Variants in RORA observed in about 807,000 individuals in gnomAD.
RORA encodes RAR related orphan receptor A.
RORA carries 7 observed loss-of-function variants against 69.5 expected under a neutral mutation model. That is an observed-to-expected ratio of 0.10 (90% confidence interval 0.06 to 0.19). RORA has a LOEUF of 0.19. RORA is among the 10% of genes least tolerant of loss of function. The pLI is 1.00. For synonymous variants in RORA, 261 were observed against 240.8 expected, an observed-to-expected ratio of 1.08 and a Z score of -0.78; for missense variants, 457 against 663.0, an observed-to-expected ratio of 0.69 and a Z score of 3.41.
At chr15:60,735,576 G>GA (rs562172056) in intron 1 of RORA, among the ~76,000 whole-genome samples, 1,434 of 134,996 alleles carry the variant, frequency 0.011, 10 homozygotes, top group East Asian at 0.023. Flanking sequence ...GGGAAAAAAG[G>GA]AAAAAAAAAA....
At chr15:60,959,598 G>C (rs1893359726) in intron 1 of RORA, among the ~76,000 whole-genome samples, 1 of 152,112 alleles carries the variant, frequency 6.6e-6, no homozygotes, top group African/African-American at 2.4e-5. Context: ...TTCTTGGAGA[G>C]TCACCGTGCT....
At chr15:60,827,716 C>A (rs1463941921) in intron 1 of RORA, among the ~76,000 whole-genome samples, 1 of 152,120 alleles carries the variant, frequency 6.6e-6, no homozygotes, top group African/African-American at 2.4e-5. Flanking sequence ...GCTGCCTGTG[C>A]GGGTCCCTGG....
At chr15:60,827,506 T>C (rs887390717) in intron 1 of RORA, among the ~76,000 whole-genome samples, 2 of 152,230 alleles carry the variant, frequency 1.3e-5, no homozygotes, top group African/African-American at 4.8e-5. Context: ...AAATATGTTT[T>C]ATAACCATAA....
chr15:61,203,126 T>C (rs1004745847), intron 1 of RORA, among the ~76,000 whole-genome samples: 1 of 152,028 alleles, frequency 6.6e-6, no homozygotes, highest in Non-Finnish European at 1.5e-5. Flanking sequence ...GAAAACATAA[T>C]GAAGGAACAG....
At chr15:60,687,515 C>T (rs1434862350) in intron 1 of RORA, among the ~76,000 whole-genome samples, 1 of 152,140 alleles carries the variant, frequency 6.6e-6, no homozygotes, top group African/African-American at 2.4e-5. Context: ...CTTGGGAGGC[C>T]GAGGCGGGCA....
intron 1 of RORA, among the ~76,000 whole-genome samples, chr15:61,091,592 T>C (rs2078708009): frequency 6.6e-6 from 1 of 152,134 alleles, no homozygotes; most frequent in African/African-American, 2.4e-5. Flanking sequence ...CTAGATAAAT[T>C]ATTCCACCCG....
chr15:60,498,528 C>T (rs1595862486), intron 10 of RORA, among the ~76,000 whole-genome samples: 1 of 152,166 alleles, frequency 6.6e-6, no homozygotes. Context: ...GACCATTTAC[C>T]AGCTGAGGGT....
chr15:60,523,074 A>T (rs1442227893), intron 3 of RORA, among the ~76,000 whole-genome samples: 2 of 151,914 alleles, frequency 1.3e-5, no homozygotes, highest in African/African-American at 4.8e-5. Context: ...GATGAAAATT[A>T]TAATAATGCA....
At chr15:60,517,627 T>TTAGAC (rs1483111069) in intron 3 of RORA, among the ~76,000 whole-genome samples, 3 of 152,204 alleles carry the variant, frequency 2.0e-5, no homozygotes, top group African/African-American at 7.2e-5. Context: ...AGAGGTCAGC[T>TTAGAC]GTCTAGGTAT....
At chr15:60,606,039 G>T (rs536614027) in intron 2 of RORA, among the ~76,000 whole-genome samples, 1 of 152,300 alleles carries the variant, frequency 6.6e-6, no homozygotes, top group African/African-American at 2.4e-5. Context: ...TTTCTTCCCA[G>T]AACACGAAAT....
intron 1 of RORA, among the ~76,000 whole-genome samples, chr15:60,877,796 C>T (rs1444288622): frequency 6.6e-6 from 1 of 152,134 alleles, no homozygotes; most frequent in Non-Finnish European, 1.5e-5. Context: ...AAAGATTTCA[C>T]TTTCATGCTA....
At chr15:60,789,557 G>GT (rs2072386727) in intron 1 of RORA, among the ~76,000 whole-genome samples, 1 of 152,242 alleles carries the variant, frequency 6.6e-6, no homozygotes, top group Admixed American at 6.5e-5. Flanking sequence ...TAATCTATAT[G>GT]TATGTTTCTT....
At chr15:60,930,149 C>T (rs905568030) in intron 1 of RORA, among the ~76,000 whole-genome samples, 1 of 152,082 alleles carries the variant, frequency 6.6e-6, no homozygotes, top group African/African-American at 2.4e-5. Flanking sequence ...TGGCTAGCGG[C>T]TACCATTTTA....
Position 60,499,802 on chromosome 15 carries a change from T to C in RORA, c.1407+90A>G, listed in dbSNP as rs183082477. 3.2e-4 allele frequency: 221 copies of C among 689,818 alleles called. 1 individual carries two copies. The African/African-American group carries it at 3.5e-3, about 11-fold the overall frequency. The allele number at this position is 689,818 out of a possible 1,614,324, so 42.7% of individuals were successfully genotyped here. A position where few individuals can be genotyped will look rare whatever the true frequency, so the allele number is the denominator to read the frequency against. Reference sequence around the variant, plus strand: ...GTTGCCTTCTGATACTTTTGGGAATTGGTCATATGACTTACATGACCATAT... The same window carrying C: ...GTTGCCTTCTGATACTTTTGGGAATCGGTCATATGACTTACATGACCATAT... On this transcript the variant is annotated intron_variant, in intron 10 of 10. Transcript: ENST00000335670.
chr15:60,892,576 A>T (rs922488854), intron 1 of RORA, among the ~76,000 whole-genome samples: 1 of 151,802 alleles, frequency 6.6e-6, no homozygotes, highest in African/African-American at 2.4e-5. Flanking sequence ...CTTCGAGCTG[A>T]CTCTCCTGGT....
intron 1 of RORA, among the ~76,000 whole-genome samples, chr15:60,873,441 T>C (rs2073581236): frequency 6.6e-6 from 1 of 152,118 alleles, no homozygotes; most frequent in South Asian, 2.1e-4. Flanking sequence ...CAGGAAAACT[T>C]GGGATTACAT....
At chr15:61,064,943 C>T (rs1173559966) in intron 1 of RORA, among the ~76,000 whole-genome samples, 1 of 152,202 alleles carries the variant, frequency 6.6e-6, no homozygotes, top group Non-Finnish European at 1.5e-5. Flanking sequence ...TCTTCCCCAT[C>T]TCCCAGCAAC....
chr15:61,033,803 G>A (rs1350311490), intron 1 of RORA, among the ~76,000 whole-genome samples: 1 of 152,080 alleles, frequency 6.6e-6, no homozygotes, highest in African/African-American at 2.4e-5. Context: ...GCATGGTGGT[G>A]CATGCCTATA....
intron 3 of RORA, among the ~76,000 whole-genome samples, chr15:60,518,851 C>T (rs2066057269): frequency 6.6e-6 from 1 of 152,202 alleles, no homozygotes; most frequent in South Asian, 2.1e-4. Flanking sequence ...TGGGCCCTGT[C>T]TCTAGGGATT....
Sources: gnomAD v4.1 joint callset for allele counts (sites outside exome capture counted in the v4.1 genomes callset) on GRCh38, gnomAD v4.1.1 for gene constraint, MANE v1.5 for transcripts, NCBI Gene and HGNC (gene_info 2026-07-23, HGNC 2026-07-21) for gene names.